The following KIAA0319 variants were observed in gnomAD, a reference collection of about 807,000 sequenced individuals.
KIAA0319 encodes KIAA0319, also known as dyslexia-associated protein KIAA0319.
A neutral mutation model predicts 108.4 loss-of-function variants in KIAA0319; 83 were observed. The observed-to-expected ratio is 0.77, with a 90% CI of 0.64 to 0.92. The LOEUF (loss-of-function observed/expected upper bound fraction) is 0.92. Ranked by LOEUF, KIAA0319 falls within the 40% of genes least tolerant of loss-of-function variation. The pLI is 0.00. For synonymous variants in KIAA0319, 484 were observed against 510.4 expected (o/e 0.95, Z 0.70); for missense variants, 1,195 against 1,322.4 (o/e 0.90, Z 1.49).
intron 16 of KIAA0319, among the ~76,000 whole-genome samples, chr6:24,562,677 T>G (rs969794612): frequency 6.6e-6 from 1 of 152,040 alleles, no homozygotes; most frequent in African/African-American, 2.4e-5. Context: ...CTGCCTCTAC[T>G]AAAAATACAG....
intron 4 of KIAA0319, among the ~76,000 whole-genome samples, chr6:24,585,525 G>A (rs187222988): frequency 2.0e-5 from 3 of 152,120 alleles, no homozygotes; most frequent in African/African-American, 7.2e-5. Context: ...TGAGACAAAT[G>A]CATATCTAAT....
In KIAA0319 at chr6:24,567,712, TAA is replaced by T. The variant is rs1297987549; in HGVS notation, c.2141-966_2141-965del. On this transcript the variant is annotated intron_variant, in intron 13 of 20. Transcript: ENST00000378214. ...TGAGACCCTGGGTCTATTTTAAAAA[TAA>T]AAAAATGAGGCAATGTAAAAGCCAT... 4.6e-5 allele frequency among the ~76,000 whole-genome samples: 7 copies of T among 152,056 alleles called. No homozygotes were observed. The East Asian group carries it at 9.7e-4, about 21-fold the overall frequency.
intron 2 of KIAA0319, among the ~76,000 whole-genome samples, chr6:24,600,329 T>C (rs1770436257): frequency 6.6e-6 from 1 of 152,136 alleles, no homozygotes; most frequent in Non-Finnish European, 1.5e-5. Flanking sequence ...GAGTAAGTGA[T>C]CTACAAGTCA....
At chr6:24,588,256 C>A (rs1381058361) in intron 4 of KIAA0319, among the ~76,000 whole-genome samples, 1 of 152,228 alleles carries the variant, frequency 6.6e-6, no homozygotes, top group Non-Finnish European at 1.5e-5. Context: ...CTGGCTCACT[C>A]TATCCTAGCA....
At chr6:24,645,427 T>C (rs985368468) in intron 1 of KIAA0319, among the ~76,000 whole-genome samples, 2 of 152,192 alleles carry the variant, frequency 1.3e-5, no homozygotes, top group African/African-American at 4.8e-5. Flanking sequence ...AAAATGCATT[T>C]AGCAAATAAT....
intron 9 of KIAA0319, among the ~76,000 whole-genome samples, chr6:24,577,232 C>A (rs907032222): frequency 1.3e-5 from 2 of 152,170 alleles, no homozygotes; most frequent in African/African-American, 4.8e-5. Context: ...ACTCTCTTAA[C>A]GGAGACTAAA....
At chr6:24,575,114 C>G (rs1229616254) in intron 10 of KIAA0319, among the ~76,000 whole-genome samples, 1 of 152,308 alleles carries the variant, frequency 6.6e-6, no homozygotes, top group East Asian at 1.9e-4. Context: ...ATTCACAGAC[C>G]TCATTTTGTG....
intron 1 of KIAA0319, among the ~76,000 whole-genome samples, chr6:24,633,921 T>G (rs913439526): frequency 3.3e-5 from 5 of 152,050 alleles, no homozygotes; most frequent in South Asian, 2.1e-4. Flanking sequence ...AAAATTTACT[T>G]GGATGCTCAA....
In KIAA0319 at chr6:24,582,313, C is replaced by T; in HGVS notation, c.1127G>A (p.Ser376Asn). The T allele has an allele frequency of 6.2e-7, 1 of 1,611,470 alleles. No individual in the cohort carries two copies. The highest frequency in any genetic ancestry group is 1.1e-5 in the South Asian group (1 of 91,002). The change falls in exon 6 of 21, where the codon AGC becomes AAC. Residue 376 changes from serine to asparagine, a missense_variant. By Grantham distance (46) the Ser-to-Asn change is conservative. Transcript: ENST00000378214. ...TTCACCTTGGTAGTCTGTGGGGTGG[C>T]TTATTAAATTCCATTCATAGTTGTA... ...TTYNYEWNLISHPTDYQGEIK... is the reference protein window; with the variant it reads ...TTYNYEWNLINHPTDYQGEIK...
rs529435560 is a variant in KIAA0319 at position 24,641,797 on chromosome 6, G to A, written c.-106+3939C>T. On this transcript the variant is annotated intron_variant, in intron 1 of 20. Transcript: ENST00000378214. Reference sequence around the variant, plus strand: ...CTGTAATCCCAGCACTTTGGGAGGCGGAGGTGAGCAGGTCACTTGCGCCCA... The same window carrying A: ...CTGTAATCCCAGCACTTTGGGAGGCAGAGGTGAGCAGGTCACTTGCGCCCA... Among the ~76,000 whole-genome samples the A allele has an allele frequency of 2.9e-4, 44 of 152,054 alleles. No homozygotes were observed. In the South Asian group the frequency reaches 7.7e-3, roughly 27 times the overall value.
rs770960107 is a variant in KIAA0319 at position 24,638,340 on chromosome 6, T to C, written c.-106+7396A>G. Among the ~76,000 whole-genome samples, 3 of 152,306 alleles carry C rather than the reference T, an allele frequency of 2.0e-5. No homozygotes were observed. The East Asian group carries it at 5.8e-4, about 29-fold the overall frequency. On this transcript the variant is annotated intron_variant, in intron 1 of 20. Transcript: ENST00000378214. ...TGAACTCAAATGGGAGCAATATCTG[T>C]GGAAATAACCCAAAATGCAATTCAA...
At chr6:24,570,662 G>A (rs576367190) in intron 11 of KIAA0319, among the ~76,000 whole-genome samples, 1 of 149,718 alleles carries the variant, frequency 6.7e-6, no homozygotes, top group East Asian at 2.0e-4. Context: ...AAGGGTTGGG[G>A]GAGGAAGGAA....
At chr6:24,565,752 C>CAAAAAAAAAAAAAA (rs71542686) in intron 14 of KIAA0319, among the ~76,000 whole-genome samples, 23 of 62,610 alleles carry the variant, frequency 3.7e-4, no homozygotes, top group African/African-American at 4.1e-4. Flanking sequence ...GACTCCATCT[C>CAAAAAAAAAAAAAA]AAAAAAAAAA....
At chr6:24,631,214 C>T (rs10456312) in intron 1 of KIAA0319, among the ~76,000 whole-genome samples, 4,546 of 152,298 alleles carry the variant, frequency 0.03, 110 homozygotes, top group Middle Eastern at 0.088. Context: ...CTTTCCTTGC[C>T]GTATCAGCCA....
At chr6:24,620,461 C>T (rs970815417) in intron 1 of KIAA0319, among the ~76,000 whole-genome samples, 9 of 152,136 alleles carry the variant, frequency 5.9e-5, no homozygotes, top group Admixed American at 1.3e-4. Context: ...CCACCACGTC[C>T]GGCTAATTTT....
chr6:24,593,626 T>G (rs1768890429), intron 3 of KIAA0319, among the ~76,000 whole-genome samples: 1 of 151,312 alleles, frequency 6.6e-6, no homozygotes, highest in Non-Finnish European at 1.5e-5. Flanking sequence ...TGGTCTCAAT[T>G]TCCTGACCTC....
In KIAA0319 at chr6:24,564,332, G is replaced by A. The variant is rs754096986; in HGVS notation, c.2301C>T (p.Ile767=). The A allele has an allele frequency of 6.8e-6, 11 of 1,614,044 alleles. No individual in the cohort carries two copies. The African/African-American group carries it at 9.3e-5, about 14-fold the overall frequency. The change falls in exon 15 of 21, where the codon ATC becomes ATT. Residue 767 remains isoleucine (I), a synonymous_variant. Coordinates refer to ENST00000378214, the MANE Select transcript of KIAA0319 (RefSeq NM_014809.4). ...GAGCCACACTGTGGTCAGAGCCATC[G>A]ATGACATCCTGCGAAAGAACACGGA... is the stretch of plus-strand genomic sequence containing the variant. ...DGQSPAAGDV[I]DGSDHSVALQ...
chr6:24,642,288 G>C (rs1777058498), intron 1 of KIAA0319, among the ~76,000 whole-genome samples: 1 of 151,684 alleles, frequency 6.6e-6, no homozygotes, highest in Non-Finnish European at 1.5e-5. Flanking sequence ...GAGAAAGAAA[G>C]AAAGAAGAAA....
chr6:24,555,356 AC>A (rs2127424703), intron 18 of KIAA0319, among the ~76,000 whole-genome samples: 1 of 152,132 alleles, frequency 6.6e-6, no homozygotes, highest in Non-Finnish European at 1.5e-5. Flanking sequence ...AATTAGCTGG[AC>A]ATGATGGCAC....
Sources: allele counts gnomAD v4.1 joint callset (sites outside exome capture counted in the v4.1 genomes callset), GRCh38; gene constraint gnomAD v4.1.1; transcripts MANE v1.5; gene names NCBI Gene and HGNC (gene_info 2026-07-23, HGNC 2026-07-21).